WDR70: variants seen among roughly 807,000 people sequenced by gnomAD.
The protein encoded by WDR70 is WD repeat domain 70.
In WDR70, 53 loss-of-function variants were observed where a neutral mutation model predicts 88.6. That is an observed-to-expected ratio of 0.60 (90% CI 0.48 to 0.75). The LOEUF (loss-of-function observed/expected upper bound fraction) is 0.75, where lower values mean the gene tolerates loss of function less well. Ranked by LOEUF, WDR70 falls within the 30% of genes least tolerant of loss-of-function variation. The pLI is 0.00. For missense variants in WDR70, 610 were observed against 823.2 expected (o/e 0.74, Z 3.17); for synonymous variants, 280 against 270.0 (o/e 1.04, Z -0.36).
chr5:37,536,741 C>T (rs1741676972), intron 9 of WDR70, among the ~76,000 whole-genome samples: 1 of 151,938 alleles, frequency 6.6e-6, no homozygotes, highest in African/African-American at 2.4e-5. Flanking sequence ...ACTAGTCTTA[C>T]ATTCCTGTAG....
intron 10 of WDR70, among the ~76,000 whole-genome samples, chr5:37,675,167 C>G (rs1746162602): frequency 6.6e-6 from 1 of 151,938 alleles, no homozygotes. Flanking sequence ...TGAAAATTTT[C>G]TCCCATTTTG....
At chr5:37,619,100 G>T (rs997676310) in intron 10 of WDR70, among the ~76,000 whole-genome samples, 1 of 152,032 alleles carries the variant, frequency 6.6e-6, no homozygotes, top group African/African-American at 2.4e-5. Context: ...TGCTCATTCC[G>T]TGTCATGGTG....
intron 5 of WDR70, among the ~76,000 whole-genome samples, chr5:37,422,506 CTCACTCTG>C (rs1178691472): frequency 8.6e-5 from 13 of 151,870 alleles, no homozygotes; most frequent in Admixed American, 7.9e-4. Flanking sequence ...TAGACAGAGT[CTCACTCTG>C]TCACCCAGGC....
chr5:37,467,713 T>C (rs1739201239), intron 7 of WDR70, among the ~76,000 whole-genome samples: 1 of 151,188 alleles, frequency 6.6e-6, no homozygotes, highest in South Asian at 2.1e-4. Context: ...TTTTTTATTT[T>C]ATTTTATTTT....
intron 10 of WDR70, among the ~76,000 whole-genome samples, chr5:37,654,230 C>T (rs1745488849): frequency 1.3e-5 from 2 of 152,136 alleles, no homozygotes; most frequent in Non-Finnish European, 2.9e-5. Context: ...ACAGTTTGTT[C>T]AGTTACCATG....
intron 10 of WDR70, among the ~76,000 whole-genome samples, chr5:37,684,918 G>T (rs1746536154): frequency 6.6e-6 from 1 of 152,222 alleles, no homozygotes; most frequent in Non-Finnish European, 1.5e-5. Context: ...AGGAAGCAGA[G>T]CTCAGGGGCA....
At chr5:37,631,955 G>A (rs183199123) in intron 10 of WDR70, among the ~76,000 whole-genome samples, 49 of 152,300 alleles carry the variant, frequency 3.2e-4, no homozygotes, top group Admixed American at 3.2e-3. Flanking sequence ...ATACTGCAAA[G>A]ATAATCTCCT....
chr5:37,479,846 G>A lies in WDR70; in HGVS notation c.699G>A (p.Lys233=). The change falls in exon 8 of 18, where the codon AAG becomes AAA. Residue 233 remains lysine (K), a synonymous_variant. Transcript: ENST00000265107. ...TCTTTTCGTACAGCCATCAGATCAA[G>A]TCATTACAGTATAGTAACACAGGAG... ...SLQPCECHQI[K]SLQYSNTGDM... 1 of 1,613,374 alleles carries A rather than the reference G, an allele frequency of 6.2e-7. No homozygotes were observed. The highest frequency in any genetic ancestry group is 8.5e-7 in the Non-Finnish European group (1 of 1,179,814).
At chr5:37,380,395 GTGGCAAGA>G (rs1748389948) in intron 2 of WDR70, among the ~76,000 whole-genome samples, 1 of 151,484 alleles carries the variant, frequency 6.6e-6, no homozygotes, top group African/African-American at 2.4e-5. Flanking sequence ...CTGGAGTGCG[GTGGCAAGA>G]TCTCGGCTCA....
At chr5:37,503,129 A>G (rs1260115925) in intron 8 of WDR70, among the ~76,000 whole-genome samples, 2 of 152,288 alleles carry the variant, frequency 1.3e-5, no homozygotes, top group East Asian at 3.9e-4. Context: ...TGTGTTCATC[A>G]GGGATATTGG....
intron 9 of WDR70, among the ~76,000 whole-genome samples, chr5:37,574,117 C>T (rs560750392): frequency 6.6e-6 from 1 of 152,258 alleles, no homozygotes; most frequent in Admixed American, 6.5e-5. Context: ...GTAGGGAAGA[C>T]CATAATGCAG....
At chr5:37,741,687 G>A (rs561562651) in intron 17 of WDR70, among the ~76,000 whole-genome samples, 1 of 152,232 alleles carries the variant, frequency 6.6e-6, no homozygotes, top group Admixed American at 6.5e-5. Context: ...TCTCATGCTG[G>A]GCAGCTCAGT....
intron 7 of WDR70, among the ~76,000 whole-genome samples, chr5:37,476,631 A>G (rs1038679793): frequency 1.3e-5 from 2 of 151,636 alleles, no homozygotes; most frequent in Non-Finnish European, 2.9e-5. Flanking sequence ...ACTCACTGCA[A>G]CTTCCGCCTC....
At position 37,391,992 on chromosome 5, in the gene WDR70, C is replaced by G; in HGVS notation, c.176-8C>G. The stretch of plus-strand genomic sequence containing the variant: ...ATTTTTTTGTTAATCTTTTTTTAAT[C>G]TTTTCAGAAGCAAGAGAAAAAGAGG... On this transcript the variant is annotated splice_region_variant and splice_polypyrimidine_tract_variant and intron_variant, in intron 3 of 17. Transcript: ENST00000265107. 1 of 1,581,410 alleles carries G rather than the reference C, an allele frequency of 6.3e-7. No homozygotes were observed. The highest frequency in any genetic ancestry group is 8.5e-7 in the Non-Finnish European group (1 of 1,170,186).
intron 9 of WDR70, among the ~76,000 whole-genome samples, chr5:37,562,670 A>G (rs1742551386): frequency 6.6e-6 from 1 of 152,164 alleles, no homozygotes; most frequent in South Asian, 2.1e-4. Context: ...TGCTGCCTTC[A>G]AGCATCTGTT....
chr5:37,527,020 A>G (rs912798597), intron 9 of WDR70, among the ~76,000 whole-genome samples: 1 of 152,220 alleles, frequency 6.6e-6, no homozygotes, highest in African/African-American at 2.4e-5. Context: ...GCTCATGGGT[A>G]GGAAGAATCA....
chr5:37,423,372 AAAG>A (rs1244718934), intron 5 of WDR70, among the ~76,000 whole-genome samples: 5 of 151,358 alleles, frequency 3.3e-5, no homozygotes, highest in Non-Finnish European at 5.9e-5. Context: ...TAAAAAAAAA[AAAG>A]AAGAAAAGGA....
chr5:37,424,148 C>CAAAAAAAA (rs11304949), intron 5 of WDR70, among the ~76,000 whole-genome samples: 9 of 55,506 alleles, frequency 1.6e-4, no homozygotes, highest in Middle Eastern at 0.021. Flanking sequence ...GACTCCATCT[C>CAAAAAAAA]AAAAAAAAAA....
chr5:37,624,433 C>T (rs1015200498), intron 10 of WDR70, among the ~76,000 whole-genome samples: 1 of 152,006 alleles, frequency 6.6e-6, no homozygotes, highest in African/African-American at 2.4e-5. Context: ...TTTAATTTAT[C>T]TATTTATTAT....
Sources: allele counts gnomAD v4.1 joint callset (sites outside exome capture counted in the v4.1 genomes callset), GRCh38; gene constraint gnomAD v4.1.1; transcripts MANE v1.5; gene names NCBI Gene and HGNC (gene_info 2026-07-23, HGNC 2026-07-21).